Variants in RAB3GAP1 observed in about 807,000 individuals in gnomAD.
The protein encoded by RAB3GAP1 is rab3 GTPase-activating protein catalytic subunit.
Under a neutral mutation model 130.7 loss-of-function variants are expected in RAB3GAP1, and 86 were observed. The observed-to-expected ratio is 0.66, with a 90% CI of 0.55 to 0.79. RAB3GAP1 has a LOEUF of 0.79. Among genes scored for constraint, RAB3GAP1 ranks in the 30% least tolerant of loss-of-function variants. The pLI is 0.00. For synonymous variants in RAB3GAP1, 367 were observed against 401.7 expected, an observed-to-expected ratio of 0.91 and a Z score of 1.03; for missense variants, 1,029 against 1,169.4, an observed-to-expected ratio of 0.88 and a Z score of 1.75.
rs769164338 is a variant in RAB3GAP1, at chr2:135,135,322, A to G, written c.1554+3A>G. The G allele has an allele frequency of 1.9e-6, 3 of 1,599,392 alleles. No individual in the cohort carries two copies. The highest frequency in any genetic ancestry group is 2.6e-6 in the Non-Finnish European group (3 of 1,166,700). ...GTTTACTGCATCAGAAACTACAGGT[A>G]AAGATTTCTCAATGACATGGATAAA... On this transcript the variant is annotated splice_donor_region_variant and intron_variant, in intron 16 of 23. Coordinates refer to ENST00000264158, the MANE Select transcript of RAB3GAP1 (RefSeq NM_012233.3).
At chr2:135,104,788 C>T (rs1252359541) in intron 5 of RAB3GAP1, among the ~76,000 whole-genome samples, 1 of 152,278 alleles carries the variant, frequency 6.6e-6, no homozygotes, top group African/African-American at 2.4e-5. Flanking sequence ...ACTCAGGAGG[C>T]TGAGATAGGA....
At chr2:135,168,490 C>T in intron 23 of RAB3GAP1, 55 bp from the exon 24 acceptor site, 4 of 1,365,356 alleles carry the variant, frequency 2.9e-6, no homozygotes, top group Non-Finnish European at 4.2e-6. Flanking sequence ...CCTTCAAAAG[C>T]ATCTGAGTTT....
chr2:135,167,621 T>G, intron 23 of RAB3GAP1: 1 of 1,278,112 alleles, frequency 7.8e-7, no homozygotes, highest in Non-Finnish European at 1.1e-6. Flanking sequence ...CTGAACTCCC[T>G]TGTCTAGCCC....
At chr2:135,117,552 T>TCTG (rs1691030128) in intron 7 of RAB3GAP1, among the ~76,000 whole-genome samples, 3 of 93,488 alleles carry the variant, frequency 3.2e-5, no homozygotes, top group African/African-American at 3.1e-5. Flanking sequence ...TGCTTCTTCT[T>TCTG]CTTCTGCTTC....
At chr2:135,147,635 G>A (rs1300691815) in intron 17 of RAB3GAP1, among the ~76,000 whole-genome samples, 1 of 55,504 alleles carries the variant, frequency 1.8e-5, no homozygotes, top group Non-Finnish European at 3.5e-5. Flanking sequence ...TTTTTTTTTT[G>A]ACTCGGGGTC....
intron 5 of RAB3GAP1, among the ~76,000 whole-genome samples, chr2:135,102,530 G>C (rs1440856509): frequency 6.6e-6 from 1 of 152,186 alleles, no homozygotes; most frequent in African/African-American, 2.4e-5. Flanking sequence ...GCTCTACTGA[G>C]AGTGGAACAA....
At chr2:135,102,743 C>CGGT (rs1690482313) in intron 5 of RAB3GAP1, among the ~76,000 whole-genome samples, 1 of 152,014 alleles carries the variant, frequency 6.6e-6, no homozygotes, top group Non-Finnish European at 1.5e-5. Flanking sequence ...TGTCTGGGCA[C>CGGT]GGTGGCTCAT....
At chr2:135,118,137 G>A (rs776035118) in intron 7 of RAB3GAP1, among the ~76,000 whole-genome samples, 7 of 152,068 alleles carry the variant, frequency 4.6e-5, no homozygotes, top group East Asian at 3.8e-4. Context: ...GAGCCACCGC[G>A]CTGGGCCTTA....
chr2:135,134,291 TAC>T (rs1383175064), intron 15 of RAB3GAP1, among the ~76,000 whole-genome samples: 40 of 152,330 alleles, frequency 2.6e-4, no homozygotes, highest in African/African-American at 8.2e-4. Flanking sequence ...TTAGATTGAT[TAC>T]AGTTTTTCCC....
chr2:135,168,584 A>G lies in RAB3GAP1; in HGVS notation c.2749A>G (p.Met917Val). The G allele has an allele frequency of 1.9e-6, 3 of 1,614,204 alleles. No individual in the cohort carries two copies. The highest frequency in any genetic ancestry group is 1.3e-5 in the African/African-American group (1 of 75,040). ...MTPPEEELKR[M>V]GSPEERRQNS... The stretch of plus-strand genomic sequence containing the variant: ...TCCACCAGAGGAGGAATTGAAGAGA[A>G]TGGGCTCCCCAGAGGAAAGAAGGCA... The change falls in exon 24 of 24, where the codon ATG becomes GTG. Residue 917 changes from methionine (M) to valine (V), a missense_variant. Physicochemically the swap from Met to Val is conservative, Grantham distance 21 (BLOSUM62 1). Transcript: ENST00000264158.
Position 135,169,903 on chromosome 2 carries a change from A to G in RAB3GAP1, c.*1122A>G, listed in dbSNP as rs1483517090. ...ACTTAAATCCAAAGTAAAAATGGTTATACTGAAGCATAAACCTTGCCTGTG... is the reference window on the plus strand; with the variant it reads ...ACTTAAATCCAAAGTAAAAATGGTTGTACTGAAGCATAAACCTTGCCTGTG... On this transcript the variant is annotated 3_prime_UTR_variant, in exon 24 of 24. Transcript: ENST00000264158. The G allele has an allele frequency of 1.1e-5, 4 of 370,488 alleles. No homozygotes were observed. The East Asian group carries it at 3.0e-4, about 28-fold the overall frequency. The allele number at this position is 370,488 out of a possible 1,614,324, so 23.0% of individuals were successfully genotyped here.
intron 14 of RAB3GAP1, 124 bp from the exon 15 acceptor site, chr2:135,133,737 T>C: frequency 1.3e-6 from 1 of 772,306 alleles, no homozygotes; most frequent in Non-Finnish European, 2.2e-6. Flanking sequence ...AGACATTTGA[T>C]AATGCCTAGT....
intron 21 of RAB3GAP1, 28 bp from the exon 22 acceptor site, chr2:135,162,958 T>C (rs1398871080): frequency 6.3e-7 from 1 of 1,592,678 alleles, no homozygotes. Context: ...CATCTCGCAA[T>C]GTATGCCTCT....
Position 135,132,965 on chromosome 2 carries a change from C to A in RAB3GAP1, c.1307C>A (p.Pro436Gln). Residue 436 changes from proline (P) to glutamine (Q), a missense_variant, in exon 14 of 24, where the codon CCA (proline) becomes CAA (glutamine). Around this residue, in one of 3 missense-constraint regions of RAB3GAP1, gnomAD observed 510 missense variants for 532.1 expected, o/e 0.96. Transcript: ENST00000264158. ...GTTSTDNNNPPSESEDYNLYN... is the reference protein window; with the variant it reads ...GTTSTDNNNPQSESEDYNLYN... ...ACTTCAACAGATAATAATAATCCTC[C>A]ATCAGAGAGTGAAGACTATGTAAGT... is the stretch of plus-strand genomic sequence containing the variant. 1 of 1,564,150 alleles carries A rather than the reference C, an allele frequency of 6.4e-7. No homozygotes were observed. The highest frequency in any genetic ancestry group is 1.1e-5 in the South Asian group (1 of 90,024).
chr2:135,163,510 T>C (rs898534301), intron 22 of RAB3GAP1, among the ~76,000 whole-genome samples: 2 of 152,232 alleles, frequency 1.3e-5, no homozygotes, highest in African/African-American at 2.4e-5. Flanking sequence ...TAGTTGTTTA[T>C]TTTAAACAAG....
In RAB3GAP1 at chr2:135,124,259, A is replaced by T. The variant is rs912650891; in HGVS notation, c.830+13A>T. ...AAGATCCTATTAGGTGAGAATTTCA[A>T]CCTGTCATTTGAATTGTGGGAATAT... On this transcript the variant is annotated intron_variant, in intron 9 of 23. Transcript: ENST00000264158. The T allele has an allele frequency of 9.9e-6, 16 of 1,608,058 alleles. No individual in the cohort carries two copies. The Admixed American group carries it at 1.0e-4, about 10-fold the overall frequency.
chr2:135,137,820 T>G (rs935053744), intron 17 of RAB3GAP1, among the ~76,000 whole-genome samples: 12 of 147,022 alleles, frequency 8.2e-5, no homozygotes, highest in African/African-American at 1.5e-4. Context: ...TTTTGTTTTG[T>G]TTTTTTTTTG....
rs996590581 is a variant in RAB3GAP1, at chr2:135,089,574, C to G, written c.151-1424C>G. On this transcript the variant is annotated intron_variant, in intron 3 of 23. Transcript: ENST00000264158. ...TCTCTTATTTCCTTGCCTCAGCAAT[C>G]CCATTACTGGGTATATACCCAAAGG... is the stretch of plus-strand genomic sequence containing the variant. 4.6e-5 allele frequency: 7 copies of G among 152,882 alleles called. No individual in the cohort carries two copies. The East Asian group carries it at 5.8e-4, about 13-fold the overall frequency. The allele number at this position is 152,882 out of a possible 1,614,324, so 9.5% of individuals were successfully genotyped here. A position where few individuals can be genotyped will look rare whatever the true frequency, so the allele number is the denominator to read the frequency against.
rs749273893 is a variant in RAB3GAP1, at chr2:135,168,554, A to G, written c.2719A>G (p.Met907Val). The G allele has an allele frequency of 1.2e-5, 20 of 1,613,614 alleles. No homozygotes were observed. Among genetic ancestry groups the G allele is most frequent in the East Asian group, 2.2e-5 (1 of 44,888 alleles). The change falls in exon 24 of 24, where the codon ATG becomes GTG. Residue 907 changes from methionine to valine, a missense_variant. Met to Val is a conservative substitution (Grantham distance 21). This residue lies in a region of RAB3GAP1 where 146 missense variants were observed against 143.7 expected (regional missense o/e 1.02). Coordinates refer to ENST00000264158, the MANE Select transcript of RAB3GAP1 (RefSeq NM_012233.3). The stretch of plus-strand genomic sequence containing the variant: ...TTTGATTCTTTTCCAGGCTGCAGCT[A>G]TGACTCCACCAGAGGAGGAATTGAA... ...LFVNAQRAAAMTPPEEELKRM... is the reference protein window; with the variant it reads ...LFVNAQRAAAVTPPEEELKRM...
Sources: gnomAD v4.1 joint callset for allele counts (sites outside exome capture counted in the v4.1 genomes callset) on GRCh38, gnomAD v4.1.1 for gene constraint, gnomAD v4.1.1 regional missense constraint, MANE v1.5 for transcripts, NCBI Gene and HGNC (gene_info 2026-07-23, HGNC 2026-07-21) for gene names.